Variants in CCDC171 observed in about 807,000 individuals in gnomAD.
CCDC171 encodes coiled-coil domain-containing protein 171.
In CCDC171, 177 loss-of-function variants were observed where a neutral mutation model predicts 168.2. The ratio of observed to expected loss-of-function variants is 1.05; its 90% CI spans 0.93 to 1.19. The LOEUF is 1.19. CCDC171 is among the 50% of genes most tolerant of loss of function. CCDC171 has a pLI of 0.00. For synonymous variants in CCDC171, 687 were observed against 540.8 expected (o/e 1.27, Z -3.75); for missense variants, 1,991 against 1,539.0 (o/e 1.29, Z -4.91).
At chr9:16,085,464 A>G in the CCDC171 span, among the ~76,000 whole-genome samples, 1 of 152,206 alleles carries the variant, frequency 6.6e-6, no homozygotes. Context: ...ACTGGCCTAC[A>G]GCTCCAAGAC....
rs766397148 is a variant in CCDC171, at chr9:15,920,307, C to A, written c.3638C>A (p.Ala1213Glu). The A allele has an allele frequency of 1.9e-6, 3 of 1,602,642 alleles. No individual in the cohort carries two copies. Among genetic ancestry groups the A allele is most frequent in the Non-Finnish European group, 2.6e-6 (3 of 1,173,086 alleles). Residue 1213 changes from alanine (A) to glutamate (E), a missense_variant, in exon 25 of 26, where the codon GCA becomes GAA. Transcript: ENST00000380701. ...AGTTTCATGGATGTCTACCAGCTTG[C>A]AAGCACTAGAATCATGACATTAGAG... is the stretch of plus-strand genomic sequence containing the variant. ...IKSFMDVYQL[A>E]STRIMTLEKE... is the part of the protein sequence containing the mutation.
intron 21 of CCDC171, among the ~76,000 whole-genome samples, chr9:15,799,672 C>T (rs2058726200): frequency 6.6e-6 from 1 of 152,036 alleles, no homozygotes; most frequent in African/African-American, 2.4e-5. Flanking sequence ...TTGTTATTGA[C>T]TGTAGCCACC....
chr9:15,792,890 C>T (rs1183389212), intron 21 of CCDC171, among the ~76,000 whole-genome samples: 1 of 151,722 alleles, frequency 6.6e-6, no homozygotes, highest in Non-Finnish European at 1.5e-5. Flanking sequence ...TAAAGACCAT[C>T]GAGGCTAGGA....
chr9:15,594,292 A>G (rs2042187284), intron 6 of CCDC171, 120 bp downstream of exon 6: 1 of 610,304 alleles, frequency 1.6e-6, no homozygotes, highest in Admixed American at 3.7e-5. Context: ...TTGATTCTGG[A>G]AGGCCACATT....
rs369417365 is a variant in CCDC171, at chr9:15,727,945, T to G, written c.1769T>G (p.Met590Arg). ...GTGCTCATAAAACAACCAGAAGGCA[T>G]GCTGGATAAATTCTCTTGGTCTGAG... ...GCVLIKQPEGMLDKFSWSELC... is the reference protein window; with the variant it reads ...GCVLIKQPEGRLDKFSWSELC... Residue 590 changes from methionine (M) to arginine (R), a missense_variant, in exon 15 of 26, where the codon ATG becomes AGG. Coordinates refer to ENST00000380701, the MANE Select transcript of CCDC171 (RefSeq NM_173550.4). 1.7e-5 allele frequency: 28 copies of G among 1,613,294 alleles called. No individual in the cohort carries two copies. In the Admixed American group the frequency reaches 3.3e-4, roughly 19 times the overall value.
the CCDC171 span, among the ~76,000 whole-genome samples, chr9:16,075,943 T>C: frequency 1.3e-5 from 2 of 152,184 alleles, no homozygotes; most frequent in African/African-American, 4.8e-5. Flanking sequence ...AAGCACACTG[T>C]TTTATGAAAC....
At position 15,973,501 on chromosome 9, in the gene CCDC171, G is replaced by A. The variant is rs966193634; in HGVS notation, c.*1665G>A. 1 of 152,056 alleles carries A rather than the reference G, an allele frequency of 6.6e-6. No homozygotes were observed. Among genetic ancestry groups the A allele is most frequent in the African/African-American group, 2.4e-5 (1 of 41,412 alleles). 9.4% of individuals were successfully genotyped at this position (152,056 alleles called of 1,614,324 possible). On this transcript the variant is annotated 3_prime_UTR_variant, in exon 26 of 26. Transcript: ENST00000380701. The stretch of plus-strand genomic sequence containing the variant: ...GTACTGTGTAACACATCCTATTCTT[G>A]TAATACTGAACCACTATAATTAGCT...
chr9:15,697,261 G>A (rs2133807764), intron 11 of CCDC171, among the ~76,000 whole-genome samples: 1 of 152,250 alleles, frequency 6.6e-6, no homozygotes, highest in South Asian at 2.1e-4. Context: ...CATGGCTGTG[G>A]CTCTTGTTAG....
intron 6 of CCDC171, among the ~76,000 whole-genome samples, chr9:15,621,148 G>A (rs182901895): frequency 1.9e-3 from 289 of 152,200 alleles, no homozygotes; most frequent in African/African-American, 6.7e-3. Context: ...TGTATTTTTA[G>A]TAGAGATGGG....
chr9:15,569,848 A>AAACAAAAC lies in CCDC171; in HGVS notation c.42-1774_42-1773insCAAAACAA, dbSNP rs1563957682. Among the ~76,000 whole-genome samples the AAACAAAAC allele has an allele frequency of 4.2e-3, 583 of 137,816 alleles. 2 individuals are homozygous for AAACAAAAC. The highest frequency in any genetic ancestry group is 0.018 in the African/African-American group (547 of 30,934). 90.4% of individuals were successfully genotyped at this position (137,816 alleles called of 152,430 possible). ...ACAAAAAACAAAAAACAAACAAACA[A>AAACAAAAC]AAAAAAAATTTCTATTTTTCATCTC... On this transcript the variant is annotated intron_variant, in intron 2 of 25. Coordinates refer to ENST00000380701, the MANE Select transcript of CCDC171 (RefSeq NM_173550.4).
At chr9:15,915,648 T>C (rs1032175156) in intron 24 of CCDC171, among the ~76,000 whole-genome samples, 2 of 152,186 alleles carry the variant, frequency 1.3e-5, no homozygotes, top group Admixed American at 6.5e-5. Flanking sequence ...ACTTCAGTAC[T>C]GTGTGGAATA....
intron 15 of CCDC171, 101 bp downstream of exon 15, chr9:15,728,137 G>C: frequency 1.1e-6 from 1 of 891,408 alleles, no homozygotes; most frequent in Non-Finnish European, 1.7e-6. Flanking sequence ...ATTTCAAAAA[G>C]AATTTGGATG....
chr9:15,706,415 A>G (rs1033975084), intron 11 of CCDC171, among the ~76,000 whole-genome samples: 1 of 152,004 alleles, frequency 6.6e-6, no homozygotes, highest in East Asian at 1.9e-4. Context: ...TCAGCTCCCA[A>G]GTAGCTGGGA....
At chr9:16,063,139 C>T (rs73417848), downstream of CCDC171, among the ~76,000 whole-genome samples, 45 of 152,130 alleles carry the variant, frequency 3.0e-4, no homozygotes, top group African/African-American at 8.0e-4. Context: ...AGGTGGTTTG[C>T]GGAAAGGGGA....
chr9:15,601,345 A>G (rs532665137), intron 6 of CCDC171, among the ~76,000 whole-genome samples: 5 of 152,154 alleles, frequency 3.3e-5, no homozygotes, highest in Admixed American at 2.0e-4. Flanking sequence ...TTTGTTATAT[A>G]TGTCATTATT....
At chr9:16,070,084 A>G in the CCDC171 span, among the ~76,000 whole-genome samples, 1 of 152,142 alleles carries the variant, frequency 6.6e-6, no homozygotes, top group East Asian at 1.9e-4. Flanking sequence ...GATGTTCCAG[A>G]TGAGCTGCTG....
At chr9:15,784,739 T>C (rs1281395666) in intron 21 of CCDC171, 45 bp downstream of exon 21, 2 of 1,408,282 alleles carry the variant, frequency 1.4e-6, no homozygotes, top group East Asian at 4.6e-5. Flanking sequence ...ATTTTATCTA[T>C]GTGTGGATCT....
Position 15,777,755 on chromosome 9 carries a change from C to T in CCDC171, c.2827C>T (p.Leu943=), listed in dbSNP as rs1438001246. Residue 943 remains leucine, a synonymous_variant, in exon 19 of 26, where the codon CTG becomes TTG. Transcript: ENST00000380701. ...AGAAAAAGATTCCCTGGTTCAGAGG[C>T]TGGCCCATGGACTTCATAAAGTAAA... The part of the protein sequence containing the change: ...YVEKDSLVQR[L]AHGLHKVNTL... 1 of 1,613,932 alleles carries T rather than the reference C, an allele frequency of 6.2e-7. No individual in the cohort carries two copies. Among genetic ancestry groups the T allele is most frequent in the African/African-American group, 1.3e-5 (1 of 74,934 alleles).
intron 1 of CCDC171, among the ~76,000 whole-genome samples, chr9:16,049,278 T>G (rs554278316): frequency 6.6e-6 from 1 of 152,284 alleles, no homozygotes; most frequent in East Asian, 1.9e-4. Flanking sequence ...GGGTGCCAAG[T>G]GGATGAGGGG....
Sources: gnomAD v4.1 joint callset for allele counts (sites outside exome capture counted in the v4.1 genomes callset) on GRCh38, gnomAD v4.1.1 for gene constraint, MANE v1.5 for transcripts, NCBI Gene and HGNC (gene_info 2026-07-23, HGNC 2026-07-21) for gene names.